ROBO2: variants seen among roughly 807,000 people sequenced by gnomAD.
ROBO2 encodes roundabout homolog 2.
In ROBO2, 53 loss-of-function variants were observed where a neutral mutation model predicts 160.8. The ratio of observed to expected loss-of-function variants is 0.33; its 90% CI spans 0.26 to 0.41. The LOEUF (loss-of-function observed/expected upper bound fraction) is 0.41. Among genes scored for constraint, ROBO2 ranks in the 10% least tolerant of loss-of-function variants. ROBO2 has a pLI of 1.00. For synonymous variants in ROBO2, 664 were observed against 611.7 expected, an observed-to-expected ratio of 1.09 and a Z score of -1.26; for missense variants, 1,577 against 1,722.4, an observed-to-expected ratio of 0.92 and a Z score of 1.49.
intron 2 of ROBO2, among the ~76,000 whole-genome samples, chr3:76,583,406 C>T (rs1209756793): frequency 6.6e-6 from 1 of 152,184 alleles, no homozygotes; most frequent in African/African-American, 2.4e-5. Context: ...TTCACACACA[C>T]TCAGGCAAAC....
rs532901075 is a variant in ROBO2, at chr3:76,815,662, T to A, written c.110-282352T>A. Among the ~76,000 whole-genome samples the A allele has an allele frequency of 6.6e-4, 101 of 152,076 alleles. 1 individual carries two copies. Among genetic ancestry groups the A allele is most frequent in the Non-Finnish European group, 1.3e-3 (86 of 67,954 alleles). Reference sequence around the variant, plus strand: ...GAAAATGGCCTATCTTCTGGGTAAATTGCATGTCAAACATTTCAGAGCTTA... The same window carrying A: ...GAAAATGGCCTATCTTCTGGGTAAAATGCATGTCAAACATTTCAGAGCTTA... On this transcript the variant is annotated intron_variant, in intron 2 of 26. Transcript: ENST00000487694.
Position 75,935,413 on chromosome 3 carries a change from G to A in ROBO2, c.-13-2068G>A, listed in dbSNP as rs370791446. On this transcript the variant is annotated intron_variant, in intron 1 of 26. Transcript: ENST00000487694. ...TGTAGCCTGAGCTACTCGAGAGGCC[G>A]AGGCAAAAGTATCACTTTGAGCCTA... Among the ~76,000 whole-genome samples the A allele has an allele frequency of 7.2e-5, 11 of 152,124 alleles. No homozygotes were observed. The East Asian group carries it at 1.2e-3, about 16-fold the overall frequency.
intron 2 of ROBO2, among the ~76,000 whole-genome samples, chr3:76,441,748 G>C (rs1284999097): frequency 6.6e-6 from 1 of 152,202 alleles, no homozygotes; most frequent in Non-Finnish European, 1.5e-5. Flanking sequence ...CAAATTAAAT[G>C]TCAAGCCAAT....
chr3:77,269,433 A>G (rs1476176876), intron 2 of ROBO2, among the ~76,000 whole-genome samples: 1 of 152,160 alleles, frequency 6.6e-6, no homozygotes, highest in Non-Finnish European at 1.5e-5. Flanking sequence ...AGGCTTTGGT[A>G]CCTTTTTTCC....
intron 2 of ROBO2, among the ~76,000 whole-genome samples, chr3:77,122,415 T>C (rs1282373074): frequency 2.0e-5 from 3 of 152,208 alleles, no homozygotes; most frequent in Non-Finnish European, 4.4e-5. Flanking sequence ...TCCATGCCGA[T>C]GTGTAAATGA....
At chr3:76,827,827 C>A (rs936160609) in intron 2 of ROBO2, among the ~76,000 whole-genome samples, 7 of 151,938 alleles carry the variant, frequency 4.6e-5, no homozygotes, top group Non-Finnish European at 1.0e-4. Flanking sequence ...TTATGCTCAG[C>A]CTTTTGAAGT....
intron 2 of ROBO2, among the ~76,000 whole-genome samples, chr3:77,181,992 C>T (rs575245769): frequency 6.6e-6 from 1 of 152,114 alleles, no homozygotes; most frequent in Admixed American, 6.6e-5. Context: ...ATGATTTTAG[C>T]TATATCTATC....
intron 2 of ROBO2, among the ~76,000 whole-genome samples, chr3:76,680,235 A>G (rs2092521182): frequency 6.6e-6 from 1 of 152,090 alleles, no homozygotes; most frequent in Non-Finnish European, 1.5e-5. Flanking sequence ...TAGTTCTATA[A>G]AATGTATAAG....
At chr3:77,540,923 C>T (rs2153644036) in intron 6 of ROBO2, among the ~76,000 whole-genome samples, 1 of 152,210 alleles carries the variant, frequency 6.6e-6, no homozygotes, top group African/African-American at 2.4e-5. Flanking sequence ...TATTGCCATT[C>T]TACTAAACAG....
chr3:76,331,800 C>G (rs747629883), intron 2 of ROBO2, among the ~76,000 whole-genome samples: 1 of 151,608 alleles, frequency 6.6e-6, no homozygotes, highest in Non-Finnish European at 1.5e-5. Flanking sequence ...TCTCCTGTCT[C>G]AGCCTCCCAA....
chr3:76,705,321 A>G (rs1194814759), intron 2 of ROBO2, among the ~76,000 whole-genome samples: 3 of 152,184 alleles, frequency 2.0e-5, no homozygotes, highest in Non-Finnish European at 4.4e-5. Context: ...TAGCTAATAC[A>G]ATTAACTTTT....
chr3:76,428,629 AG>A (rs1285261301), intron 2 of ROBO2, among the ~76,000 whole-genome samples: 4 of 152,152 alleles, frequency 2.6e-5, no homozygotes, highest in African/African-American at 9.7e-5. Flanking sequence ...AAAAAAAGTG[AG>A]TTTTTTTTCT....
At chr3:77,535,777 T>A (rs1242474017) in intron 6 of ROBO2, among the ~76,000 whole-genome samples, 1 of 152,162 alleles carries the variant, frequency 6.6e-6, no homozygotes, top group Non-Finnish European at 1.5e-5. Context: ...TTTTGACAGA[T>A]TTTCCTAGGG....
intron 2 of ROBO2, among the ~76,000 whole-genome samples, chr3:76,614,908 T>C (rs2088451861): frequency 6.6e-6 from 1 of 152,116 alleles, no homozygotes; most frequent in Non-Finnish European, 1.5e-5. Context: ...TACTGGTAAA[T>C]GCAAGTGAAA....
intron 2 of ROBO2, among the ~76,000 whole-genome samples, chr3:76,568,924 CTAAA>C (rs1394718748): frequency 2.0e-5 from 3 of 152,108 alleles, no homozygotes; most frequent in Non-Finnish European, 2.9e-5. Flanking sequence ...AAATCTGCAA[CTAAA>C]TAAATGTCAT....
chr3:76,516,653 C>G (rs140707004), intron 2 of ROBO2, among the ~76,000 whole-genome samples: 1 of 152,078 alleles, frequency 6.6e-6, no homozygotes, highest in Non-Finnish European at 1.5e-5. Flanking sequence ...TTTAAGGAAT[C>G]AAAAAATCAT....
chr3:77,615,751 G>A (rs2153701741), intron 21 of ROBO2, among the ~76,000 whole-genome samples: 1 of 152,208 alleles, frequency 6.6e-6, no homozygotes, highest in Non-Finnish European at 1.5e-5. Context: ...GAGACATGTT[G>A]GTTGCTTCCA....
chr3:76,150,608 C>T (rs548963683), intron 2 of ROBO2, among the ~76,000 whole-genome samples: 1 of 152,314 alleles, frequency 6.6e-6, no homozygotes, highest in African/African-American at 2.4e-5. Context: ...CTGAAACACA[C>T]ATCCCTAGGT....
intron 2 of ROBO2, among the ~76,000 whole-genome samples, chr3:76,457,346 C>T (rs541763185): frequency 1.1e-4 from 17 of 152,284 alleles, no homozygotes; most frequent in South Asian, 1.0e-3. Context: ...CGAAATCCAG[C>T]GGTGCAGTCA....
Sources: allele counts gnomAD v4.1 joint callset (sites outside exome capture counted in the v4.1 genomes callset), GRCh38; gene constraint gnomAD v4.1.1; transcripts MANE v1.5; gene names NCBI Gene and HGNC (gene_info 2026-07-23, HGNC 2026-07-21).